The following CRAT variants were observed in gnomAD, a reference collection of about 807,000 sequenced individuals.
The protein encoded by CRAT is carnitine acetylase.
A neutral mutation model predicts 73.7 loss-of-function variants in CRAT; 66 were observed. The ratio of observed to expected loss-of-function variants is 0.90; its 90% CI spans 0.73 to 1.10. CRAT has a LOEUF of 1.10. Ranked by LOEUF, CRAT falls within the 50% of genes least tolerant of loss-of-function variation. CRAT has a pLI of 0.00. For missense variants in CRAT, 745 were observed against 846.9 expected, an observed-to-expected ratio of 0.88 and a Z score of 1.49; for synonymous variants, 321 against 343.2, an observed-to-expected ratio of 0.94 and a Z score of 0.71.
At chr9:129,105,061 C>T (rs1292244443) in intron 2 of CRAT, among the ~76,000 whole-genome samples, 9 of 147,206 alleles carry the variant, frequency 6.1e-5, no homozygotes, top group Non-Finnish European at 1.2e-4. Flanking sequence ...CCACTGTGCC[C>T]GGCTAATTTT....
Position 129,102,061 on chromosome 9 carries a change from T to C in CRAT, c.631-4A>G, listed in dbSNP as rs181691531. 6 of 1,613,514 alleles carry C rather than the reference T, an allele frequency of 3.7e-6. No homozygotes were observed. In the African/African-American group the frequency reaches 4.0e-5, roughly 11 times the overall value. ...GGTACACATCCAGCTCAAAAAACTGTTGGGGCACAGGCAGGTAAGAGGAGG... is the reference window on the plus strand; with the variant it reads ...GGTACACATCCAGCTCAAAAAACTGCTGGGGCACAGGCAGGTAAGAGGAGG... On this transcript the variant is annotated splice_region_variant and splice_polypyrimidine_tract_variant and intron_variant, in intron 5 of 13. Coordinates refer to ENST00000318080, the MANE Select transcript of CRAT (RefSeq NM_000755.5).
At position 129,105,207 on chromosome 9, in the gene CRAT, G is replaced by T. The variant is rs1847944438; in HGVS notation, c.292-901C>A. 2.6e-5 allele frequency among the ~76,000 whole-genome samples: 4 copies of T among 151,540 alleles called. 1 individual carries two copies. In the South Asian group the frequency reaches 8.4e-4, roughly 32 times the overall value. ...GGCGTGAGCCACCGCGCCCGGCAAG[G>T]TGAACAAATTCTCATCTTACACATT... On this transcript the variant is annotated intron_variant, in intron 2 of 13. Transcript: ENST00000318080.
At chr9:129,095,725 G>T in intron 13 of CRAT, 113 bp from the exon 14 acceptor site, 2 of 1,131,232 alleles carry the variant, frequency 1.8e-6, no homozygotes, top group Non-Finnish European at 2.5e-6. Flanking sequence ...AGGGATCATG[G>T]TCTGTCCCCT....
At chr9:129,095,649 C>G in intron 13 of CRAT, 37 bp from the exon 14 acceptor site, 1 of 1,584,712 alleles carries the variant, frequency 6.3e-7, no homozygotes, top group Non-Finnish European at 8.6e-7. Context: ...AGCTCCCCTA[C>G]CTTGACGCCC....
chr9:129,098,470 CT>C (rs1847433156), intron 9 of CRAT, 60 bp downstream of exon 9: 1 of 1,588,402 alleles, frequency 6.3e-7, no homozygotes, highest in Middle Eastern at 1.7e-4. Flanking sequence ...ACAGGAGCCT[CT>C]CAAGCTCAAG....
At position 129,095,604 on chromosome 9, in the gene CRAT, G is replaced by C. The variant is rs1169434790; in HGVS notation, c.1674C>G (p.Ala558=). The change falls in exon 14 of 14, where the codon GCC becomes GCG. Residue 558 remains alanine, a synonymous_variant. Transcript: ENST00000318080. ...CGAAGAACATGACACAGTCTGTCTTGGCAGGGACCTGGGGACGGCAGGATG... is the reference window on the plus strand; with the variant it reads ...CGAAGAACATGACACAGTCTGTCTTCGCAGGGACCTGGGGACGGCAGGATG... ...HFHLSTSQVP[A]KTDCVMFFGP... 6.2e-7 allele frequency: 1 copy of C among 1,612,676 alleles called. No individual in the cohort carries two copies. Among genetic ancestry groups the C allele is most frequent in the South Asian group, 1.1e-5 (1 of 91,024 alleles).
intron 11 of CRAT, among the ~76,000 whole-genome samples, 163 bp from the exon 12 acceptor site, chr9:129,097,475 G>A (rs1341527303): frequency 6.6e-6 from 1 of 152,140 alleles, no homozygotes; most frequent in African/African-American, 2.4e-5. Context: ...TTGGGAGGCC[G>A]AGGCAGGTGG....
At chr9:129,109,739 CGTAGT>C (rs1564173659) in intron 1 of CRAT, among the ~76,000 whole-genome samples, 1 of 152,048 alleles carries the variant, frequency 6.6e-6, no homozygotes, top group Admixed American at 6.6e-5. Flanking sequence ...CCTCTGGCCC[CGTAGT>C]GTGTGTCTGA....
At chr9:129,109,374 G>T in intron 1 of CRAT, 2 of 947,892 alleles carry the variant, frequency 2.1e-6, no homozygotes, top group Non-Finnish European at 3.0e-6. Context: ...TTCTCTCCAG[G>T]ACTCCTGGGA....
chr9:129,108,306 C>A, intron 1 of CRAT: 1 of 1,134,710 alleles, frequency 8.8e-7, no homozygotes, highest in Non-Finnish European at 1.2e-6. Flanking sequence ...TGGTTCTTAG[C>A]AAGGCTCAGG....
Position 129,104,321 on chromosome 9 carries a change from A to T in CRAT, c.292-15T>A. On this transcript the variant is annotated splice_polypyrimidine_tract_variant and intron_variant, in intron 2 of 13. Transcript: ENST00000318080. ...CACTCAGACAGCTGGGAAAAGTGCCAGAGCCTGTCAGGAGGGGTGCATGGG... is the reference window on the plus strand; with the variant it reads ...CACTCAGACAGCTGGGAAAAGTGCCTGAGCCTGTCAGGAGGGGTGCATGGG... 1 of 1,605,006 alleles carries T rather than the reference A, an allele frequency of 6.2e-7. No individual in the cohort carries two copies. The highest frequency in any genetic ancestry group is 1.1e-5 in the South Asian group (1 of 90,874).
chr9:129,100,077 T>C (rs1847566247), intron 7 of CRAT, 111 bp from the exon 8 acceptor site: 2 of 735,284 alleles, frequency 2.7e-6, no homozygotes, highest in Admixed American at 2.4e-5. Context: ...CTCAAGGGGC[T>C]ATGATGACTT....
chr9:129,095,143 G>A lies in CRAT; in HGVS notation c.*254C>T. ...GGCACCGGTGGAGGACGTGCCAGGG[G>A]CCCGGGCCTAACGTCCTGCTCAGCC... On this transcript the variant is annotated 3_prime_UTR_variant, in exon 14 of 14. Transcript: ENST00000318080. 1 of 551,722 alleles carries A rather than the reference G, an allele frequency of 1.8e-6. No individual in the cohort carries two copies. Among genetic ancestry groups the A allele is most frequent in the Non-Finnish European group, 3.2e-6 (1 of 308,734 alleles). The allele number at this position is 551,722 out of a possible 1,614,324, so 34.2% of individuals were successfully genotyped here.
In CRAT at chr9:129,110,050, G is replaced by A. The variant is rs1290856463; in HGVS notation, c.27+433C>T. Among the ~76,000 whole-genome samples the A allele has an allele frequency of 6.6e-6, 1 of 152,128 alleles. No homozygotes were observed. The highest frequency in any genetic ancestry group is 1.5e-5 in the Non-Finnish European group (1 of 68,026). ...TCTCTGGCCACACACAATTCCCCAG[G>A]GACCGTCTGATAAACCAAAGGAGTG... On this transcript the variant is annotated intron_variant, in intron 1 of 13. Coordinates refer to ENST00000318080, the MANE Select transcript of CRAT (RefSeq NM_000755.5). This position sits in a 1 kb window ranked among gnomAD's most constrained non-coding sequence, Gnocchi z 5.3.
chr9:129,101,915 G>A lies in CRAT; in HGVS notation c.773C>T (p.Ser258Phe). 6.2e-7 allele frequency: 1 copy of A among 1,614,178 alleles called. No individual in the cohort carries two copies. The highest frequency in any genetic ancestry group is 8.5e-7 in the Non-Finnish European group (1 of 1,180,022). The part of the protein sequence containing the change: ...VGILTSNHRN[S>F]WAKAYNTLIK... Reference sequence around the variant, plus strand: ...GAGGGTGTTGTATGCCTTGGCCCAGGAGTTGCGGTGGTTGGAGGTGAGGAT... The same window carrying A: ...GAGGGTGTTGTATGCCTTGGCCCAGAAGTTGCGGTGGTTGGAGGTGAGGAT... The change falls in exon 6 of 14, where the codon TCC (serine) becomes TTC (phenylalanine). Residue 258 changes from serine to phenylalanine, a missense_variant. By Grantham distance (155) the Ser-to-Phe change is radical. Coordinates refer to ENST00000318080, the MANE Select transcript of CRAT (RefSeq NM_000755.5).
rs77164668 is a variant in CRAT, at chr9:129,105,619, G to A, written c.292-1313C>T. The stretch of plus-strand genomic sequence containing the variant: ...TTCCAGGCGTGAGCCACCGCGTCTG[G>A]CCCAATAAGTGAGTTTTTGACCATC... On this transcript the variant is annotated intron_variant, in intron 2 of 13. Transcript: ENST00000318080. Among the ~76,000 whole-genome samples, 402 of 152,312 alleles carry A rather than the reference G, an allele frequency of 2.6e-3. 3 individuals are homozygous for A. The highest frequency in any genetic ancestry group is 9.2e-3 in the African/African-American group (382 of 41,552).
At chr9:129,101,530 T>C (rs1847671796) in intron 6 of CRAT, among the ~76,000 whole-genome samples, 1 of 152,216 alleles carries the variant, frequency 6.6e-6, no homozygotes, top group African/African-American at 2.4e-5. Flanking sequence ...CCAGCTACTC[T>C]CCGATAAGTT....
At chr9:129,100,062 G>C in intron 7 of CRAT, 96 bp from the exon 8 acceptor site, 1 of 870,306 alleles carries the variant, frequency 1.1e-6, no homozygotes, top group Non-Finnish European at 1.9e-6. Context: ...CCTCTCTGAA[G>C]CCATCTCAAG....
At chr9:129,097,784 G>A (rs1337952714) in intron 11 of CRAT, 4 of 586,604 alleles carry the variant, frequency 6.8e-6, no homozygotes, top group Non-Finnish European at 8.8e-6. Flanking sequence ...CTGACATAGG[G>A]CAGTTGCTTA....
Sources: gnomAD v4.1 joint callset for allele counts (sites outside exome capture counted in the v4.1 genomes callset) on GRCh38, gnomAD v4.1.1 for gene constraint, Gnocchi (gnomAD v3.1) non-coding constraint, MANE v1.5 for transcripts, NCBI Gene and HGNC (gene_info 2026-07-23, HGNC 2026-07-21) for gene names.